DMD: variants seen among roughly 807,000 people sequenced by gnomAD.
DMD encodes the protein dystrophin.
In DMD, 63 loss-of-function variants were observed where a neutral mutation model predicts 330.1. The observed-to-expected ratio is 0.19, with a 90% CI of 0.16 to 0.24. The LOEUF (loss-of-function observed/expected upper bound fraction) is 0.24, where lower values mean the gene tolerates loss of function less well. Ranked by LOEUF, DMD falls within the 10% of genes least tolerant of loss-of-function variation. The pLI is 1.00. For missense variants in DMD, 3,344 were observed against 2,684.1 expected, an observed-to-expected ratio of 1.25 and a Z score of -5.43; for synonymous variants, 1,223 against 959.8, an observed-to-expected ratio of 1.27 and a Z score of -5.07.
At chrX:33,332,240 A>C (rs566767558) in intron 1 of DMD, among the ~76,000 whole-genome samples, 39 of 111,980 alleles carry the variant, frequency 3.5e-4, no homozygotes, top group African/African-American at 1.2e-3. Flanking sequence ...AACCATAAAA[A>C]GATTTAATTC....
At chrX:33,143,511 T>A (rs2047892563) in intron 1 of DMD, among the ~76,000 whole-genome samples, 1 of 111,650 alleles carries the variant, frequency 9.0e-6, no homozygotes. Context: ...ATTATGTTCC[T>A]GTAGTTACAG....
At chrX:32,913,496 G>C (rs2087488181) in intron 2 of DMD, among the ~76,000 whole-genome samples, 1 of 111,930 alleles carries the variant, frequency 8.9e-6, no homozygotes, top group Admixed American at 9.5e-5. Flanking sequence ...CATGATACCA[G>C]GTATGAAACA....
At chrX:31,251,407 C>T (rs2049349513) in intron 63 of DMD, among the ~76,000 whole-genome samples, 1 of 111,530 alleles carries the variant, frequency 9.0e-6, no homozygotes, top group African/African-American at 3.3e-5. Context: ...TCAATATAAG[C>T]AACATTTGTC....
chrX:32,067,833 T>A (rs1211877659), intron 44 of DMD, among the ~76,000 whole-genome samples: 1 of 112,232 alleles, frequency 8.9e-6, no homozygotes, highest in Non-Finnish European at 1.9e-5. Flanking sequence ...GCATGTGTCT[T>A]TTTGGTAGAA....
At chrX:32,912,962 G>C (rs961311635) in intron 2 of DMD, among the ~76,000 whole-genome samples, 1 of 111,980 alleles carries the variant, frequency 8.9e-6, no homozygotes, top group African/African-American at 3.2e-5. Context: ...TAACTGATTG[G>C]CAAGTTAGTA....
At position 32,335,824 on chromosome X, in the gene DMD, G is replaced by A. The variant is rs768197005; in HGVS notation, c.5922+6276C>T. ...TAACACGTGTATATATGTATAACAT[G>A]TTATATATAACGTGCATATATAACA... On this transcript the variant is annotated intron_variant, in intron 41 of 78. Transcript: ENST00000357033. 5.8e-5 allele frequency among the ~76,000 whole-genome samples: 6 copies of A among 103,783 alleles called. No homozygotes were observed. In the South Asian group the frequency reaches 2.4e-3, roughly 42 times the overall value. 90.1% of individuals were successfully genotyped at this position (103,783 alleles called of 115,157 possible). A position where few individuals can be genotyped will look rare whatever the true frequency, so the allele number is the denominator to read the frequency against.
At chrX:32,989,197 A>C (rs1181804083) in intron 2 of DMD, among the ~76,000 whole-genome samples, 5 of 111,602 alleles carry the variant, frequency 4.5e-5, no homozygotes, top group Admixed American at 2.9e-4. Flanking sequence ...ATGGTGATAA[A>C]ACTTTATGGC....
intron 62 of DMD, among the ~76,000 whole-genome samples, chrX:31,287,752 T>A (rs1372230530): frequency 8.9e-6 from 1 of 112,466 alleles, no homozygotes; most frequent in Non-Finnish European, 1.9e-5. Context: ...CATTTATTTA[T>A]TTAGGTATTT....
chrX:32,030,218 C>T (rs2095873657), intron 44 of DMD, among the ~76,000 whole-genome samples: 1 of 112,149 alleles, frequency 8.9e-6, no homozygotes, highest in Admixed American at 9.5e-5. Context: ...CGCTTTCTCC[C>T]AACAAGCTGT....
chrX:32,279,297 A>T (rs1299222030), intron 43 of DMD, among the ~76,000 whole-genome samples: 1 of 111,635 alleles, frequency 9.0e-6, no homozygotes, highest in Non-Finnish European at 1.9e-5. Flanking sequence ...TGATCCAGCA[A>T]TCCCACTGCT....
At chrX:32,311,287 T>G (rs1445929938) in intron 41 of DMD, among the ~76,000 whole-genome samples, 1 of 111,165 alleles carries the variant, frequency 9.0e-6, no homozygotes, top group Non-Finnish European at 1.9e-5. Flanking sequence ...CATGCTAACG[T>G]AGCCATTTAT....
chrX:33,125,624 T>C (rs748152545), intron 1 of DMD, among the ~76,000 whole-genome samples: 46 of 112,073 alleles, frequency 4.1e-4, no homozygotes, highest in Non-Finnish European at 6.9e-4. Context: ...GTTATAATTT[T>C]TGAATGTTTG....
At chrX:32,247,657 G>A (rs1051829704) in intron 43 of DMD, among the ~76,000 whole-genome samples, 6 of 110,674 alleles carry the variant, frequency 5.4e-5, no homozygotes, top group East Asian at 2.8e-4. Context: ...CATCTCACCC[G>A]GATCCTTCCA....
intron 55 of DMD, among the ~76,000 whole-genome samples, chrX:31,589,806 C>A (rs2076786884): frequency 9.0e-6 from 1 of 111,392 alleles, no homozygotes; most frequent in Non-Finnish European, 1.9e-5. Context: ...GGGTACAATG[C>A]ATCTTATTAA....
chrX:32,326,855 C>T (rs1168390699), intron 41 of DMD, among the ~76,000 whole-genome samples: 2 of 107,595 alleles, frequency 1.9e-5, no homozygotes, highest in African/African-American at 3.4e-5. Context: ...TGCAGTGAGC[C>T]GAGATCATGC....
chrX:31,694,812 CTATTGGTAG>C (rs1239664971), intron 52 of DMD, among the ~76,000 whole-genome samples: 3 of 108,385 alleles, frequency 2.8e-5, no homozygotes, highest in Non-Finnish European at 3.8e-5. Flanking sequence ...ACCTTATCCA[CTATTGGTAG>C]TATTGTGAAT....
intron 2 of DMD, among the ~76,000 whole-genome samples, chrX:33,005,275 A>ACACACACAC (rs2093368869): frequency 6.8e-5 from 7 of 102,646 alleles, no homozygotes; most frequent in Non-Finnish European, 1.2e-4. Flanking sequence ...CACACACACA[A>ACACACACAC]ACACACACAC....
chrX:32,474,927 G>T (rs747883454), intron 21 of DMD, among the ~76,000 whole-genome samples: 1 of 111,307 alleles, frequency 9.0e-6, no homozygotes, highest in East Asian at 2.8e-4. Flanking sequence ...TGAAATCCTT[G>T]CCTAAGCCAA....
In DMD at chrX:33,094,996, G is replaced by T. The variant is rs781385180; in HGVS notation, c.32-74796C>A. On this transcript the variant is annotated intron_variant, in intron 1 of 78. Transcript: ENST00000357033. Reference sequence around the variant, plus strand: ...ACTCTTTATTACAAAAACAAATTTGGTTTTAAAGATCAATAAACTACATTT... The same window carrying T: ...ACTCTTTATTACAAAAACAAATTTGTTTTTAAAGATCAATAAACTACATTT... Among the ~76,000 whole-genome samples the T allele has an allele frequency of 1.1e-4, 12 of 110,982 alleles. No individual in the cohort carries two copies. The South Asian group carries it at 1.5e-3, about 14-fold the overall frequency.
Sources: gnomAD v4.1 joint callset for allele counts (sites outside exome capture counted in the v4.1 genomes callset) on GRCh38, gnomAD v4.1.1 for gene constraint, MANE v1.5 for transcripts, NCBI Gene and HGNC (gene_info 2026-07-23, HGNC 2026-07-21) for gene names.